Variants in TRAF7 observed in about 807,000 individuals in gnomAD.
The protein encoded by TRAF7 is TNF receptor associated factor 7.
Under a neutral mutation model 89.3 loss-of-function variants are expected in TRAF7, and 45 were observed. That is an observed-to-expected ratio of 0.50 (90% CI 0.40 to 0.65). The LOEUF (loss-of-function observed/expected upper bound fraction) is 0.65. Ranked by LOEUF, TRAF7 falls within the 30% of genes least tolerant of loss-of-function variation. The probability of loss-of-function intolerance (pLI) is 0.00; values close to 1 mark genes in which losing one functional copy is unlikely to be tolerated. For missense variants in TRAF7, 677 were observed against 918.1 expected (o/e 0.74, Z 3.39); for synonymous variants, 406 against 369.2 (o/e 1.10, Z -1.14).
rs566880418 is a variant in TRAF7, at chr16:2,157,569, G to C, written c.-39+1711G>C. 5.3e-5 allele frequency among the ~76,000 whole-genome samples: 8 copies of C among 152,300 alleles called. No homozygotes were observed. In the South Asian group the frequency reaches 1.7e-3, roughly 32 times the overall value. ...TCCTCCCGGGTCAGATTCGTGTTCA[G>C]CCGTCACACATCCCCACCCTCCCGC... On this transcript the variant is annotated intron_variant, in intron 1 of 20. Transcript: ENST00000326181.
At position 2,161,979 on chromosome 16, in the gene TRAF7, C is replaced by A. The variant is rs537429577; in HGVS notation, c.-38-1904C>A. On this transcript the variant is annotated intron_variant, in intron 1 of 20. Transcript: ENST00000326181. The surrounding 1 kb of genome is among the most constrained non-coding windows in gnomAD (Gnocchi z 5.2). Reference sequence around the variant, plus strand: ...CCCCTGCCTCTTCCACAAGAGAAGTCCCCCGAGAGCCTAGTCTGGGTCACA... The same window carrying A: ...CCCCTGCCTCTTCCACAAGAGAAGTACCCCGAGAGCCTAGTCTGGGTCACA... 6.6e-6 allele frequency among the ~76,000 whole-genome samples: 1 copy of A among 152,316 alleles called. No individual in the cohort carries two copies. Among genetic ancestry groups the A allele is most frequent in the African/African-American group, 2.4e-5 (1 of 41,582 alleles).
At chr16:2,174,091 G>GGGCACTGCCACATGCCT in intron 13 of TRAF7, 43 bp downstream of exon 13, 1 of 1,609,008 alleles carries the variant, frequency 6.2e-7, no homozygotes, top group Non-Finnish European at 8.5e-7. Context: ...TGGCTGGGCT[G>GGGCACTGCCACATGCCT]GGCACTGCCA....
intron 9 of TRAF7, 53 bp downstream of exon 9, chr16:2,172,652 G>C (rs1270401941): frequency 1.3e-6 from 2 of 1,522,524 alleles, no homozygotes; most frequent in Non-Finnish European, 1.8e-6. Flanking sequence ...CCCTCCACAG[G>C]CTCCGCTGAG....
Position 2,173,314 on chromosome 16 carries a change from C to T in TRAF7, c.927C>T (p.Asp309=), listed in dbSNP as rs1270883979. 1 of 1,613,620 alleles carries T rather than the reference C, an allele frequency of 6.2e-7. No homozygotes were observed. ...HEMHVALAQK[D]QEIAFLRSML... The stretch of plus-strand genomic sequence containing the variant: ...TGCACGTGGCTCTGGCCCAGAAGGA[C>T]CAGGAGATCGCCTTCCTGCGCTCCA... Residue 309 remains aspartate, a synonymous_variant, in exon 10 of 21, where the codon GAC becomes GAT. Coordinates refer to ENST00000326181, the MANE Select transcript of TRAF7 (RefSeq NM_032271.3).
rs766825842 is a variant in TRAF7, at chr16:2,173,237, T to C, written c.850T>C (p.Phe284Leu). ...CGAGACCCACCTGGAGACTTGCCGC[T>C]TCGAGGGCCTGAAGGAGTTTCTGCA... Reference protein sequence around the residue: ...TYETHLETCRFEGLKEFLQQT... With the variant: ...TYETHLETCRLEGLKEFLQQT... The change falls in exon 10 of 21, where the codon TTC becomes CTC. Residue 284 changes from phenylalanine to leucine, a missense_variant. Phe to Leu is a conservative substitution (Grantham distance 22). Around this residue, in one of 6 missense-constraint regions of TRAF7, gnomAD observed 238 missense variants for 352.6 expected, o/e 0.67. Transcript: ENST00000326181. 5.6e-6 allele frequency: 9 copies of C among 1,612,874 alleles called. No homozygotes were observed. The East Asian group carries it at 2.0e-4, about 36-fold the overall frequency.
In TRAF7 at chr16:2,167,996, T is replaced by C. The variant is rs368500582; in HGVS notation, c.140-81T>C. On this transcript the variant is annotated intron_variant, in intron 3 of 20. Coordinates refer to ENST00000326181, the MANE Select transcript of TRAF7 (RefSeq NM_032271.3). Reference sequence around the variant, plus strand: ...TGTGAGCTACAGGGGACCCACAGGGTCGGGTATCCAGCATGGGCCCCACCT... The same window carrying C: ...TGTGAGCTACAGGGGACCCACAGGGCCGGGTATCCAGCATGGGCCCCACCT... 156 of 1,318,710 alleles carry C rather than the reference T, an allele frequency of 1.2e-4. No homozygotes were observed. In the African/African-American group the frequency reaches 1.5e-3, roughly 12 times the overall value. 81.7% of individuals were successfully genotyped at this position (1,318,710 alleles called of 1,614,324 possible).
At position 2,177,357 on chromosome 16, in the gene TRAF7, A is replaced by G. The variant is rs1223376705; in HGVS notation, c.*783A>G. ...GCAGGAAGGGGCCCTGCACGCCGGG[A>G]CGCCACCTCCGCCAGCCGCCTCCAC... On this transcript the variant is annotated 3_prime_UTR_variant, in exon 21 of 21. Transcript: ENST00000326181. 8.6e-6 allele frequency: 2 copies of G among 233,614 alleles called. No homozygotes were observed. Among genetic ancestry groups the G allele is most frequent in the Admixed American group, 5.6e-5 (1 of 17,854 alleles). The allele number at this position is 233,614 out of a possible 1,614,324, so 14.5% of individuals were successfully genotyped here. A position where few individuals can be genotyped will look rare whatever the true frequency, so the allele number is the denominator to read the frequency against.
intron 2 of TRAF7, among the ~76,000 whole-genome samples, chr16:2,165,107 G>A (rs552814757): frequency 6.0e-5 from 8 of 132,556 alleles, no homozygotes; most frequent in East Asian, 4.4e-4. Context: ...ATGGTTAAGC[G>A]TGTGAGTGCT....
rs1347259790 is a variant in TRAF7 at position 2,172,633 on chromosome 16, G to T, written c.794+34G>T. On this transcript the variant is annotated intron_variant, in intron 9 of 20. Coordinates refer to ENST00000326181, the MANE Select transcript of TRAF7 (RefSeq NM_032271.3). ...GGGGCGGGCGGGGGTGGGCCGGGGT[G>T]GGCGCAGGCCCTCCACAGGCTCCGC... The T allele has an allele frequency of 3.3e-6, 5 of 1,506,338 alleles. No individual in the cohort carries two copies. The Admixed American group carries it at 5.9e-5, about 18-fold the overall frequency. 93.3% of individuals were successfully genotyped at this position (1,506,338 alleles called of 1,614,324 possible).
rs974600976 is a variant in TRAF7, at chr16:2,163,796, G to A, written c.-38-87G>A. The A allele has an allele frequency of 3.4e-6, 3 of 880,586 alleles. No homozygotes were observed. Among genetic ancestry groups the A allele is most frequent in the East Asian group, 5.3e-5 (2 of 37,722 alleles). 54.5% of individuals were successfully genotyped at this position (880,586 alleles called of 1,614,324 possible). ...TGCGGCGGCCCCACGGTGCCCCACA[G>A]CAGGTCTGCACACTTGCAGCAGCCC... On this transcript the variant is annotated intron_variant, in intron 1 of 20. Transcript: ENST00000326181. This position sits in a 1 kb window ranked among gnomAD's most constrained non-coding sequence, Gnocchi z 4.3.
chr16:2,177,508 G>A lies in TRAF7; in HGVS notation c.*934G>A. The A allele has an allele frequency of 4.3e-6, 1 of 233,822 alleles. No individual in the cohort carries two copies. Among genetic ancestry groups the A allele is most frequent in the East Asian group, 6.1e-5 (1 of 16,496 alleles). The allele number at this position is 233,822 out of a possible 1,614,324, so 14.5% of individuals were successfully genotyped here. A position where few individuals can be genotyped will look rare whatever the true frequency, so the allele number is the denominator to read the frequency against. On this transcript the variant is annotated 3_prime_UTR_variant, in exon 21 of 21. Coordinates refer to ENST00000326181, the MANE Select transcript of TRAF7 (RefSeq NM_032271.3). ...AGGAGACCAGTCAGTACTTCTTGGA[G>A]GGGGCAGGAGGAGAGAGGAAAAGGG... is the stretch of plus-strand genomic sequence containing the variant.
chr16:2,163,595 C>G lies in TRAF7; in HGVS notation c.-38-288C>G. ...GGAGTAGAGGGAGCCAGGCAGGGGT[C>G]CCTCCACCTCGGGGAAGAGCTGGAT... is the stretch of plus-strand genomic sequence containing the variant. On this transcript the variant is annotated intron_variant, in intron 1 of 20. Coordinates refer to ENST00000326181, the MANE Select transcript of TRAF7 (RefSeq NM_032271.3). This position sits in a 1 kb window ranked among gnomAD's most constrained non-coding sequence, Gnocchi z 4.3. 5.2e-6 allele frequency: 2 copies of G among 386,292 alleles called. No homozygotes were observed. Among genetic ancestry groups the G allele is most frequent in the African/African-American group, 2.1e-5 (1 of 47,686 alleles). The allele number at this position is 386,292 out of a possible 1,614,324, so 23.9% of individuals were successfully genotyped here.
intron 5 of TRAF7, among the ~76,000 whole-genome samples, 173 bp downstream of exon 5, chr16:2,170,903 G>A (rs1462872784): frequency 1.3e-5 from 2 of 152,210 alleles, no homozygotes; most frequent in East Asian, 1.9e-4. Context: ...GGACCAGGCC[G>A]GGTCCCCTGG....
rs746647663 is a variant in TRAF7 at position 2,165,906 on chromosome 16, G to A, written c.109G>A (p.Ala37Thr). The change falls in exon 3 of 21, where the codon GCC becomes ACC. Residue 37 changes from alanine to threonine, a missense_variant. Ala to Thr is a moderately conservative substitution (Grantham distance 58). Coordinates refer to ENST00000326181, the MANE Select transcript of TRAF7 (RefSeq NM_032271.3). ...GTRMETTFGP[A>T]FSAVTTITKA... Reference sequence around the variant, plus strand: ...CAGAATGGAAACGACCTTCGGACCCGCCTTTTCAGCCGTCACCACCATCAC... The same window carrying A: ...CAGAATGGAAACGACCTTCGGACCCACCTTTTCAGCCGTCACCACCATCAC... 5.9e-5 allele frequency: 96 copies of A among 1,613,942 alleles called. No individual in the cohort carries two copies. Among genetic ancestry groups the A allele is most frequent in the Middle Eastern group, 1.6e-4 (1 of 6,080 alleles).
In TRAF7 at chr16:2,176,588, A is replaced by G. The variant is rs2141299884; in HGVS notation, c.*14A>G. ...TGGACTTGCTAACAGGATCCAGGCC[A>G]GGCTGTGGTTTCCCCTGAACCAGCC... On this transcript the variant is annotated 3_prime_UTR_variant, in exon 21 of 21. Coordinates refer to ENST00000326181, the MANE Select transcript of TRAF7 (RefSeq NM_032271.3). 6.2e-7 allele frequency: 1 copy of G among 1,613,392 alleles called. No individual in the cohort carries two copies. Among genetic ancestry groups the G allele is most frequent in the East Asian group, 2.2e-5 (1 of 44,870 alleles).
In TRAF7 at chr16:2,172,334, C is replaced by G; in HGVS notation, c.619C>G (p.Pro207Ala). 6.2e-7 allele frequency: 1 copy of G among 1,612,344 alleles called. No homozygotes were observed. Among genetic ancestry groups the G allele is most frequent in the Non-Finnish European group, 8.5e-7 (1 of 1,179,902 alleles). The part of the protein sequence containing the change: ...SGKPPIFEVD[P>A]RGCPFTIKLS... ...GAAGCCCCCCATCTTTGAGGTGGAC[C>G]CCCGAGGGTGCCCCTTCACCATCAA... is the stretch of plus-strand genomic sequence containing the variant. Residue 207 changes from proline to alanine, a missense_variant, in exon 8 of 21, where the codon CCC (proline) becomes GCC (alanine). By Grantham distance (27) the Pro-to-Ala change is conservative. Transcript: ENST00000326181.
In TRAF7 at chr16:2,158,821, G is replaced by A. The variant is rs1445724952; in HGVS notation, c.-39+2963G>A. ...GGCTCTTGGGCAAAGCTCACGACCT[G>A]TTTCTGAGAGTCTGAGGCCCACTTG... is the stretch of plus-strand genomic sequence containing the variant. On this transcript the variant is annotated intron_variant, in intron 1 of 20. Transcript: ENST00000326181. The surrounding 1 kb of genome is among the most constrained non-coding windows in gnomAD (Gnocchi z 4.7). Among the ~76,000 whole-genome samples the A allele has an allele frequency of 1.3e-5, 2 of 150,424 alleles. No homozygotes were observed. The highest frequency in any genetic ancestry group is 2.0e-4 in the East Asian group (1 of 5,038).
chr16:2,164,327 C>T (rs1306891947), intron 2 of TRAF7, among the ~76,000 whole-genome samples: 5 of 145,560 alleles, frequency 3.4e-5, no homozygotes, highest in African/African-American at 1.3e-4. Context: ...CATGGTAAAG[C>T]GTGTTAGTGC....
rs1253093780 is a variant in TRAF7 at position 2,162,716 on chromosome 16, C to T, written c.-38-1167C>T. On this transcript the variant is annotated intron_variant, in intron 1 of 20. Transcript: ENST00000326181. The surrounding 1 kb of genome is among the most constrained non-coding windows in gnomAD (Gnocchi z 5.0). ...CTTGGGAGCTGAGCCCATGGTGTGT[C>T]CTCATGGGGTGCTGCGCATGGGCCT... Among the ~76,000 whole-genome samples the T allele has an allele frequency of 6.6e-6, 1 of 151,978 alleles. No homozygotes were observed. Among genetic ancestry groups the T allele is most frequent in the Non-Finnish European group, 1.5e-5 (1 of 67,970 alleles).
Sources: gnomAD v4.1 joint callset for allele counts (sites outside exome capture counted in the v4.1 genomes callset) on GRCh38, gnomAD v4.1.1 for gene constraint, gnomAD v4.1.1 regional missense constraint, Gnocchi (gnomAD v3.1) non-coding constraint, MANE v1.5 for transcripts, NCBI Gene and HGNC (gene_info 2026-07-23, HGNC 2026-07-21) for gene names.